Variants in PRDM1 observed in about 807,000 individuals in gnomAD.
PRDM1 encodes PR domain zinc finger protein 1.
Under a neutral mutation model 62.8 loss-of-function variants are expected in PRDM1, and 13 were observed. The observed-to-expected ratio is 0.21, with a 90% confidence interval of 0.13 to 0.33. The LOEUF is 0.33. Ranked by LOEUF, PRDM1 falls within the 10% of genes least tolerant of loss-of-function variation. The probability of loss-of-function intolerance (pLI) is 1.00; values close to 1 mark genes in which losing one functional copy is unlikely to be tolerated. For missense variants in PRDM1, 895 were observed against 1,058.8 expected (o/e 0.85, Z 2.15); for synonymous variants, 396 against 417.6 (o/e 0.95, Z 0.63).
chr6:106,024,980 G>A (rs549907495), intron 1 of PRDM1, among the ~76,000 whole-genome samples: 3 of 152,210 alleles, frequency 2.0e-5, no homozygotes, highest in East Asian at 1.9e-4. Flanking sequence ...CACAAGTCGT[G>A]TGTCTGCTGA....
chr6:106,041,151 C>A (rs1236188071), intron 1 of PRDM1, among the ~76,000 whole-genome samples: 2 of 152,216 alleles, frequency 1.3e-5, no homozygotes, highest in African/African-American at 4.8e-5. Flanking sequence ...TGTTTGTTCT[C>A]TCTCCTAGGT....
At chr6:106,000,252 A>C (rs1452047608) in intron 1 of PRDM1, among the ~76,000 whole-genome samples, 10 of 152,214 alleles carry the variant, frequency 6.6e-5, no homozygotes, top group Non-Finnish European at 1.2e-4. Flanking sequence ...AAGACATTTC[A>C]AAGCTATCTT....
At chr6:106,066,900 G>T (rs1773442953) in intron 1 of PRDM1, among the ~76,000 whole-genome samples, 2 of 152,118 alleles carry the variant, frequency 1.3e-5, no homozygotes, top group Admixed American at 1.3e-4. Context: ...TAAAGTATTT[G>T]AACCATACCT....
chr6:106,059,076 T>G (rs1773307703), intron 1 of PRDM1, among the ~76,000 whole-genome samples: 1 of 152,090 alleles, frequency 6.6e-6, no homozygotes, highest in African/African-American at 2.4e-5. Context: ...GATACAGCAG[T>G]AAAAACAACA....
chr6:106,106,383 G>T lies in PRDM1; in HGVS notation c.1786G>T (p.Val596Leu). The change falls in exon 6 of 7, where the codon GTG (valine) becomes TTG (leucine). Residue 596 changes from valine to leucine, a missense_variant. Physicochemically the swap from Val to Leu is conservative, Grantham distance 32. Transcript: ENST00000369096. The surrounding 1 kb of genome is among the most constrained non-coding windows in gnomAD (Gnocchi z 4.4). The stretch of plus-strand genomic sequence containing the variant: ...GGCTTCTTCCCAGGTCCACCTGAGA[G>T]TGCACAGTGGAGAACGGCCTTTCAA... ...QLSNLKVHLR[V>L]HSGERPFKCQ... The T allele has an allele frequency of 6.2e-7, 1 of 1,614,216 alleles. No homozygotes were observed. The highest frequency in any genetic ancestry group is 8.5e-7 in the Non-Finnish European group (1 of 1,180,032).
At chr6:106,025,349 A>C (rs1260740000) in intron 1 of PRDM1, among the ~76,000 whole-genome samples, 1 of 152,256 alleles carries the variant, frequency 6.6e-6, no homozygotes, top group Non-Finnish European at 1.5e-5. Flanking sequence ...TCCATAGTAC[A>C]AAATAATCCA....
chr6:106,042,300 C>G (rs1241567570), intron 1 of PRDM1, among the ~76,000 whole-genome samples: 1 of 150,796 alleles, frequency 6.6e-6, no homozygotes, highest in African/African-American at 2.4e-5. Flanking sequence ...GCGGGCAGAT[C>G]ACCTGAGATC....
chr6:106,107,677 C>T lies in PRDM1; in HGVS notation c.*191C>T, dbSNP rs1582483517. ...CTCAGGGCATGAACAAGGCAAAGGC[C>T]ATATATATATATATATATATATCTG... is the stretch of plus-strand genomic sequence containing the variant. On this transcript the variant is annotated 3_prime_UTR_variant, in exon 7 of 7. Coordinates refer to ENST00000369096, the MANE Select transcript of PRDM1 (RefSeq NM_001198.4). 1.5e-5 allele frequency: 3 copies of T among 199,010 alleles called. No homozygotes were observed. The highest frequency in any genetic ancestry group is 8.5e-5 in the East Asian group (1 of 11,752). 12.3% of individuals were successfully genotyped at this position (199,010 alleles called of 1,614,324 possible).
chr6:106,087,128 C>G (rs1372643930), intron 1 of PRDM1, among the ~76,000 whole-genome samples: 1 of 152,182 alleles, frequency 6.6e-6, no homozygotes, highest in Non-Finnish European at 1.5e-5. Context: ...TCATTTTTAT[C>G]AAACATGTCT....
At chr6:106,048,898 G>A (rs1373891493) in intron 1 of PRDM1, among the ~76,000 whole-genome samples, 3 of 151,760 alleles carry the variant, frequency 2.0e-5, no homozygotes, top group East Asian at 1.9e-4. Flanking sequence ...GCGTGATCTC[G>A]GCTCACTGCA....
intron 1 of PRDM1, among the ~76,000 whole-genome samples, chr6:106,033,209 A>G (rs1772874668): frequency 6.6e-6 from 1 of 152,008 alleles, no homozygotes; most frequent in Admixed American, 6.6e-5. Flanking sequence ...GCACAATCAT[A>G]GCTCACTGTA....
At chr6:106,042,711 T>A (rs1407036861) in intron 1 of PRDM1, among the ~76,000 whole-genome samples, 1 of 152,188 alleles carries the variant, frequency 6.6e-6, no homozygotes, top group African/African-American at 2.4e-5. Context: ...CCTCAACTTA[T>A]GCACTCACCC....
At chr6:106,080,641 T>C (rs1349868101) in intron 1 of PRDM1, among the ~76,000 whole-genome samples, 1 of 152,242 alleles carries the variant, frequency 6.6e-6, no homozygotes, top group Non-Finnish European at 1.5e-5. Flanking sequence ...CTTGGATTTA[T>C]CAGCTTTAAT....
At chr6:106,087,381 A>G (rs4946723) in intron 1 of PRDM1, among the ~76,000 whole-genome samples, 116,766 of 152,148 alleles carry the variant, frequency 0.77, 45,028 homozygotes, top group East Asian at 0.98. Flanking sequence ...GTAGCTGAGG[A>G]CTCCTAAAGG....
At chr6:106,045,015 C>T (rs148062528), upstream of PRDM1, among the ~76,000 whole-genome samples, 140 of 152,198 alleles carry the variant, frequency 9.2e-4, no homozygotes, top group African/African-American at 3.1e-3. Flanking sequence ...GGTGACAGAA[C>T]GAGACCCAGT....
At chr6:106,020,194 A>C (rs1431389590) in intron 1 of PRDM1, among the ~76,000 whole-genome samples, 1 of 151,612 alleles carries the variant, frequency 6.6e-6, no homozygotes, top group Non-Finnish European at 1.5e-5. Flanking sequence ...AAAAAAAAAA[A>C]AAACCCACAA....
chr6:106,027,850 C>T (rs1772786926), intron 1 of PRDM1, among the ~76,000 whole-genome samples: 2 of 152,158 alleles, frequency 1.3e-5, no homozygotes, highest in Admixed American at 6.5e-5. Context: ...GCTGACTGTT[C>T]ACCAGCTCCT....
upstream of PRDM1, among the ~76,000 whole-genome samples, chr6:106,045,215 G>A (rs1249037125): frequency 6.6e-6 from 1 of 152,074 alleles, no homozygotes; most frequent in Non-Finnish European, 1.5e-5. Context: ...CAGGTGAGTG[G>A]GAATAACAGT....
At chr6:106,019,722 C>T (rs1772670183) in intron 1 of PRDM1, among the ~76,000 whole-genome samples, 1 of 150,406 alleles carries the variant, frequency 6.6e-6, no homozygotes, top group Admixed American at 6.6e-5. Context: ...CTCACTGCAA[C>T]CTCTGCCTCC....
Sources: gnomAD v4.1 joint callset for allele counts (sites outside exome capture counted in the v4.1 genomes callset) on GRCh38, gnomAD v4.1.1 for gene constraint, Gnocchi (gnomAD v3.1) non-coding constraint, MANE v1.5 for transcripts, NCBI Gene and HGNC (gene_info 2026-07-23, HGNC 2026-07-21) for gene names.